PRKCSH: variants seen among roughly 807,000 people sequenced by gnomAD.
The protein encoded by PRKCSH is glucosidase 2 subunit beta.
Under a neutral mutation model 79.7 loss-of-function variants are expected in PRKCSH, and 42 were observed. The observed-to-expected ratio is 0.53, with a 90% CI of 0.41 to 0.68. The LOEUF is 0.68. Ranked by LOEUF, PRKCSH falls within the 30% of genes least tolerant of loss-of-function variation. The pLI is 0.00. For missense variants in PRKCSH, 686 were observed against 709.0 expected, an observed-to-expected ratio of 0.97 and a Z score of 0.37; for synonymous variants, 325 against 288.2, an observed-to-expected ratio of 1.13 and a Z score of -1.29.
chr19:11,445,658 C>T, intron 8 of PRKCSH, 185 bp downstream of exon 8: 4 of 671,384 alleles, frequency 6.0e-6, no homozygotes, highest in Middle Eastern at 5.2e-4. Flanking sequence ...ATGCCCTGGG[C>T]GAGGAGATAG....
intron 1 of PRKCSH, 21 bp from the exon 2 acceptor site, chr19:11,436,020 G>A: frequency 2.0e-6 from 3 of 1,520,670 alleles, no homozygotes; most frequent in South Asian, 2.2e-5. Context: ...CCACTGACCG[G>A]GATCCGCTTT....
In PRKCSH at chr19:11,449,531, A is replaced by G. The variant is rs1365778848; in HGVS notation, c.*16+103A>G. 45 of 1,474,794 alleles carry G rather than the reference A, an allele frequency of 3.1e-5. No individual in the cohort carries two copies. Among genetic ancestry groups the G allele is most frequent in the Non-Finnish European group, 3.7e-5 (40 of 1,071,142 alleles). 91.4% of individuals were successfully genotyped at this position (1,474,794 alleles called of 1,614,324 possible). A position where few individuals can be genotyped will look rare whatever the true frequency, so the allele number is the denominator to read the frequency against. On this transcript the variant is annotated intron_variant, in intron 17 of 17. Transcript: ENST00000677123. This position sits in a 1 kb window ranked among gnomAD's most constrained non-coding sequence, Gnocchi z 6.4. ...GGCCACTCTATCAACCTGTGTCCCCATGTTCCCTGCTTTTTTGTTTTGTTT... is the reference window on the plus strand; with the variant it reads ...GGCCACTCTATCAACCTGTGTCCCCGTGTTCCCTGCTTTTTTGTTTTGTTT...
chr19:11,443,084 A>T (rs988361749), intron 7 of PRKCSH, among the ~76,000 whole-genome samples: 1 of 151,954 alleles, frequency 6.6e-6, no homozygotes, highest in East Asian at 1.9e-4. Context: ...CATTTTTCCT[A>T]TCAGGTGTTT....
intron 5 of PRKCSH, among the ~76,000 whole-genome samples, chr19:11,440,827 T>A (rs1970030727): frequency 6.6e-6 from 1 of 152,030 alleles, no homozygotes; most frequent in East Asian, 1.9e-4. Context: ...TGTGGTTTTT[T>A]TATTTGTTTT....
Position 11,447,872 on chromosome 19 carries a change from C to A in PRKCSH, c.1126+83C>A. The A allele has an allele frequency of 7.1e-7, 1 of 1,414,594 alleles. No individual in the cohort carries two copies. The highest frequency in any genetic ancestry group is 9.5e-7 in the Non-Finnish European group (1 of 1,049,968). 87.6% of individuals were successfully genotyped at this position (1,414,594 alleles called of 1,614,324 possible). ...GCACAGGTCGAGGGAAGATCCTGAG[C>A]TTAGACCCTGCTCTGACTCGGCCAG... On this transcript the variant is annotated intron_variant, in intron 12 of 17. Transcript: ENST00000677123. The surrounding 1 kb of genome is among the most constrained non-coding windows in gnomAD (Gnocchi z 5.6).
rs749617692 is a variant in PRKCSH at position 11,436,408 on chromosome 19, G to A, written c.99G>A (p.Glu33=). Residue 33 remains glutamate, a synonymous_variant, in exon 3 of 18, where the codon GAG becomes GAA. Transcript: ENST00000677123. ...VSLTNHHFYD[E]SKPFTCLDGS... ...CCGCAGATCATCACTTCTACGATGA[G>A]TCCAAGCCTTTCACCTGCCTGGACG... 1 of 1,614,198 alleles carries A rather than the reference G, an allele frequency of 6.2e-7. No homozygotes were observed. Among genetic ancestry groups the A allele is most frequent in the African/African-American group, 1.3e-5 (1 of 75,056 alleles).
rs1970449856 is a variant in PRKCSH, at chr19:11,448,838, G to A, written c.1287-76G>A. ...GGTACCCTGTGTGTGGGGACTGGAG[G>A]AGGCGGTGGGGGGTGGCTGTGGGAG... On this transcript the variant is annotated intron_variant, in intron 14 of 17. Transcript: ENST00000677123. The surrounding 1 kb of genome is among the most constrained non-coding windows in gnomAD (Gnocchi z 4.4). 3.9e-6 allele frequency: 6 copies of A among 1,555,100 alleles called. No homozygotes were observed. The highest frequency in any genetic ancestry group is 5.3e-6 in the Non-Finnish European group (6 of 1,127,052).
chr19:11,449,508 C>T lies in PRKCSH; in HGVS notation c.*16+80C>T. 1.3e-6 allele frequency: 2 copies of T among 1,559,450 alleles called. No individual in the cohort carries two copies. The highest frequency in any genetic ancestry group is 1.8e-6 in the Non-Finnish European group (2 of 1,135,518). ...CCCTGAGGAAGATGGACCCACATGG[C>T]CACTCTATCAACCTGTGTCCCCATG... On this transcript the variant is annotated intron_variant, in intron 17 of 17. Coordinates refer to ENST00000677123, the MANE Select transcript of PRKCSH (RefSeq NM_001289104.2). This position sits in a 1 kb window ranked among gnomAD's most constrained non-coding sequence, Gnocchi z 6.4.
intron 1 of PRKCSH, 50 bp downstream of exon 1, chr19:11,435,756 C>T: frequency 7.3e-7 from 1 of 1,366,916 alleles, no homozygotes. Context: ...TTACAGGGGG[C>T]AACCGGAGGG....
rs1177286796 is a variant in PRKCSH at position 11,448,839 on chromosome 19, AG to A, written c.1287-73del. The A allele has an allele frequency of 3.2e-5, 49 of 1,555,248 alleles. No homozygotes were observed. The highest frequency in any genetic ancestry group is 4.1e-5 in the Non-Finnish European group (46 of 1,127,408). On this transcript the variant is annotated intron_variant, in intron 14 of 17. Coordinates refer to ENST00000677123, the MANE Select transcript of PRKCSH (RefSeq NM_001289104.2). This position sits in a 1 kb window ranked among gnomAD's most constrained non-coding sequence, Gnocchi z 4.4. ...GTACCCTGTGTGTGGGGACTGGAGGAGGCGGTGGGGGGTGGCTGTGGGAGGA... is the reference window on the plus strand; with the variant it reads ...GTACCCTGTGTGTGGGGACTGGAGGAGCGGTGGGGGGTGGCTGTGGGAGGA...
Position 11,436,031 on chromosome 19 carries a change from C to T in PRKCSH, c.-77-10C>T, listed in dbSNP as rs1276432511. 5.1e-6 allele frequency: 8 copies of T among 1,559,012 alleles called. No homozygotes were observed. In the East Asian group the frequency reaches 6.7e-5, roughly 13 times the overall value. On this transcript the variant is annotated splice_polypyrimidine_tract_variant and intron_variant, in intron 1 of 17. Transcript: ENST00000677123. ...TCTCCCACTGACCGGGATCCGCTTT[C>T]TTCCTGCAGCGTGAAGACACAGCGC...
chr19:11,437,832 C>G (rs1285387716), intron 3 of PRKCSH, 44 bp from the exon 4 acceptor site: 1 of 1,543,684 alleles, frequency 6.5e-7, no homozygotes, highest in Non-Finnish European at 9.0e-7. Flanking sequence ...ACATGTCTGT[C>G]CCTGAGCTGA....
chr19:11,444,732 G>A (rs922551542), intron 7 of PRKCSH, among the ~76,000 whole-genome samples: 1 of 152,074 alleles, frequency 6.6e-6, no homozygotes, highest in Non-Finnish European at 1.5e-5. Flanking sequence ...GTCCCCTTCT[G>A]TCCGGCTGGC....
chr19:11,448,017 C>T lies in PRKCSH; in HGVS notation c.1127-205C>T, dbSNP rs981350859. On this transcript the variant is annotated intron_variant, in intron 12 of 17. Coordinates refer to ENST00000677123, the MANE Select transcript of PRKCSH (RefSeq NM_001289104.2). The surrounding 1 kb of genome is among the most constrained non-coding windows in gnomAD (Gnocchi z 4.4). The stretch of plus-strand genomic sequence containing the variant: ...GGGCCGCAGCTTGTTTGTGTCACTC[C>T]TGGCCCCACTCGCTCAGGAGCTGGG... The T allele has an allele frequency of 9.3e-6, 7 of 752,194 alleles. No individual in the cohort carries two copies. Among genetic ancestry groups the T allele is most frequent in the East Asian group, 5.4e-5 (2 of 37,116 alleles). The allele number at this position is 752,194 out of a possible 1,614,324, so 46.6% of individuals were successfully genotyped here.
Position 11,449,774 on chromosome 19 carries a change from A to T in PRKCSH, c.*16+346A>T, listed in dbSNP as rs1970508051. On this transcript the variant is annotated intron_variant, in intron 17 of 17. Transcript: ENST00000677123. This position sits in a 1 kb window ranked among gnomAD's most constrained non-coding sequence, Gnocchi z 6.4. ...GGTCTCGAACTCCTGACCTCAGATG[A>T]TCCACCTGCCTTGGCCTCCCAAAGT... 3.1e-6 allele frequency: 1 copy of T among 320,708 alleles called. No homozygotes were observed. Among genetic ancestry groups the T allele is most frequent in the Non-Finnish European group, 6.0e-6 (1 of 165,718 alleles). 19.9% of individuals were successfully genotyped at this position (320,708 alleles called of 1,614,324 possible). A position where few individuals can be genotyped will look rare whatever the true frequency, so the allele number is the denominator to read the frequency against.
At position 11,441,230 on chromosome 19, in the gene PRKCSH, C is replaced by T. The variant is rs200263708; in HGVS notation, c.351-10C>T. On this transcript the variant is annotated splice_polypyrimidine_tract_variant and intron_variant, in intron 5 of 17. Coordinates refer to ENST00000677123, the MANE Select transcript of PRKCSH (RefSeq NM_001289104.2). ...CCCACTGGTGGTGCCTGTGTGTCTC[C>T]GCACCGCAGAGAGAAGGGCCGTAAG... is the stretch of plus-strand genomic sequence containing the variant. The T allele has an allele frequency of 2.7e-5, 44 of 1,610,472 alleles. No homozygotes were observed. The highest frequency in any genetic ancestry group is 1.1e-4 in the East Asian group (5 of 44,860).
At chr19:11,442,590 A>G (rs1019647151) in intron 7 of PRKCSH, 75 bp downstream of exon 7, 14 of 1,566,544 alleles carry the variant, frequency 8.9e-6, no homozygotes, top group Middle Eastern at 2.3e-4. Context: ...TCTCCCGCTC[A>G]TTATCTGTTG....
At chr19:11,438,710 G>A (rs1246674636) in intron 5 of PRKCSH, among the ~76,000 whole-genome samples, 3 of 147,464 alleles carry the variant, frequency 2.0e-5, no homozygotes, top group African/African-American at 2.5e-5. Flanking sequence ...AGCCGAGATC[G>A]CACCACTGCA....
chr19:11,436,684 C>T (rs1465699682), intron 3 of PRKCSH, 179 bp downstream of exon 3: 2 of 614,734 alleles, frequency 3.3e-6, no homozygotes, highest in African/African-American at 3.7e-5. Flanking sequence ...GAGTCGTCCT[C>T]CTCCCAAGCC....
Sources: allele counts gnomAD v4.1 joint callset (sites outside exome capture counted in the v4.1 genomes callset), GRCh38; gene constraint gnomAD v4.1.1; non-coding constraint Gnocchi (gnomAD v3.1); transcripts MANE v1.5; gene names NCBI Gene and HGNC (gene_info 2026-07-23, HGNC 2026-07-21).